The following ERCC2 variants were observed in gnomAD, a reference collection of about 807,000 sequenced individuals.
ERCC2 encodes ERCC excision repair 2, TFIIH core complex helicase subunit.
ERCC2 carries 90 observed loss-of-function variants against 99.4 expected under a neutral mutation model. The ratio of observed to expected loss-of-function variants is 0.91; its 90% CI spans 0.76 to 1.08. ERCC2 has a LOEUF of 1.08. Ranked by LOEUF, ERCC2 falls within the 50% of genes least tolerant of loss-of-function variation. ERCC2 has a pLI of 0.00. For synonymous variants in ERCC2, 497 were observed against 432.4 expected (o/e 1.15, Z -1.85); for missense variants, 993 against 1,038.1 (o/e 0.96, Z 0.60).
intron 7 of ERCC2, 126 bp from the exon 8 acceptor site, chr19:45,364,673 G>C: frequency 1.4e-6 from 2 of 1,441,516 alleles, no homozygotes; most frequent in South Asian, 2.4e-5. Flanking sequence ...GCAGAAGTAT[G>C]AGCAGATGGA....
intron 17 of ERCC2, among the ~76,000 whole-genome samples, chr19:45,353,668 C>CTACAATAG (rs1206273182): frequency 2.6e-5 from 4 of 152,048 alleles, no homozygotes; most frequent in Non-Finnish European, 5.9e-5. Context: ...CCATATGACA[C>CTACAATAG]TACAATAGAG....
At chr19:45,369,317 T>A (rs1379992295) in intron 2 of ERCC2, among the ~76,000 whole-genome samples, 170 bp from the exon 3 acceptor site, 2 of 152,146 alleles carry the variant, frequency 1.3e-5, no homozygotes, top group Non-Finnish European at 2.9e-5. Context: ...TCCTCCTTGT[T>A]GAGTGGTCTT....
chr19:45,354,152 C>T (rs942628964), intron 17 of ERCC2, among the ~76,000 whole-genome samples: 9 of 152,218 alleles, frequency 5.9e-5, no homozygotes, highest in African/African-American at 1.9e-4. Context: ...CCTGAGAGCC[C>T]GGCCATGGTG....
intron 11 of ERCC2, chr19:45,361,921 G>A (rs1972237073): frequency 2.3e-6 from 1 of 434,506 alleles, no homozygotes; most frequent in South Asian, 2.3e-5. Flanking sequence ...CTCCTAAGTG[G>A]GTTCTTTTTT....
At chr19:45,355,412 A>G (rs1158321750) in intron 16 of ERCC2, among the ~76,000 whole-genome samples, 1 of 152,240 alleles carries the variant, frequency 6.6e-6, no homozygotes, top group East Asian at 1.9e-4. Context: ...AGTGCACAAT[A>G]CACTGTGACC....
chr19:45,368,131 C>T (rs1404817901), intron 5 of ERCC2, among the ~76,000 whole-genome samples: 2 of 152,106 alleles, frequency 1.3e-5, no homozygotes, highest in Non-Finnish European at 2.9e-5. Context: ...ACCTCAGACT[C>T]CCAAAGTGCT....
At chr19:45,357,756 C>T (rs925023054) in intron 12 of ERCC2, 57 bp from the exon 13 acceptor site, 1 of 1,486,784 alleles carries the variant, frequency 6.7e-7, no homozygotes, top group Non-Finnish European at 9.3e-7. Flanking sequence ...CAGCTGCACC[C>T]ACTCAGTCAT....
intron 19 of ERCC2, 58 bp downstream of exon 19, chr19:45,353,020 GCGGGC>G: frequency 6.5e-7 from 1 of 1,534,034 alleles, no homozygotes; most frequent in South Asian, 1.1e-5. Context: ...AGACAGCAGA[GCGGGC>G]AGGTGTTCCA....
rs367947759 is a variant in ERCC2 at position 45,350,378 on chromosome 19, C to T, written c.*1251G>A. 2.9e-5 allele frequency: 46 copies of T among 1,613,634 alleles called. No homozygotes were observed. The highest frequency in any genetic ancestry group is 1.1e-4 in the South Asian group (10 of 91,052). ...CTGAAACAGAACAAGTATCAACAAGCGGAAGAGCTGTACAAAGAAATCCTC... is the reference window on the plus strand; with the variant it reads ...CTGAAACAGAACAAGTATCAACAAGTGGAAGAGCTGTACAAAGAAATCCTC... On this transcript the variant is annotated 3_prime_UTR_variant, in exon 23 of 23. Coordinates refer to ENST00000391945, the MANE Select transcript of ERCC2 (RefSeq NM_000400.4).
In ERCC2 at chr19:45,351,253, TC is replaced by T; in HGVS notation, c.*375del. ...GTGGATGTAACACTTGCCCCTCACC[TC>T]CCCTCCAACCATCCCCTGTGCCTGT... On this transcript the variant is annotated 3_prime_UTR_variant, in exon 23 of 23. Coordinates refer to ENST00000391945, the MANE Select transcript of ERCC2 (RefSeq NM_000400.4). 6.2e-7 allele frequency: 1 copy of T among 1,600,270 alleles called. No individual in the cohort carries two copies. Among genetic ancestry groups the T allele is most frequent in the Non-Finnish European group, 8.5e-7 (1 of 1,172,560 alleles).
intron 5 of ERCC2, among the ~76,000 whole-genome samples, 194 bp downstream of exon 5, chr19:45,368,436 T>C (rs560169431): frequency 2.0e-4 from 30 of 152,128 alleles, no homozygotes; most frequent in South Asian, 4.1e-4. Context: ...TGGGTAGAAT[T>C]TGAAGACTCC....
Position 45,350,391 on chromosome 19 carries a change from C to A in ERCC2, c.*1238G>T. The A allele has an allele frequency of 6.2e-7, 1 of 1,613,834 alleles. No individual in the cohort carries two copies. The highest frequency in any genetic ancestry group is 8.5e-7 in the Non-Finnish European group (1 of 1,179,948). On this transcript the variant is annotated 3_prime_UTR_variant, in exon 23 of 23. Transcript: ENST00000391945. Reference sequence around the variant, plus strand: ...AGTATCAACAAGCGGAAGAGCTGTACAAAGAAATCCTCCACAAGGAGGACC... The same window carrying A: ...AGTATCAACAAGCGGAAGAGCTGTAAAAAGAAATCCTCCACAAGGAGGACC...
intron 15 of ERCC2, 86 bp from the exon 16 acceptor site, chr19:45,355,814 CTTTT>C (rs35665496): frequency 0.034 from 22,784 of 676,884 alleles, 112 homozygotes; most frequent in Non-Finnish European, 0.039. Flanking sequence ...CTGTTCTAAG[CTTTT>C]TTTTTTTTTT....
intron 5 of ERCC2, among the ~76,000 whole-genome samples, chr19:45,367,148 C>G (rs1417020990): frequency 6.6e-6 from 1 of 152,082 alleles, no homozygotes; most frequent in Non-Finnish European, 1.5e-5. Flanking sequence ...ACCAGCCTAA[C>G]CAACATGGTG....
chr19:45,354,589 C>G, intron 17 of ERCC2, 141 bp downstream of exon 17: 1 of 1,065,074 alleles, frequency 9.4e-7, no homozygotes, highest in South Asian at 1.3e-5. Context: ...CTGCTTACAC[C>G]CCATTCCTAC....
Position 45,352,784 on chromosome 19 carries a change from C to G in ERCC2, c.1864G>C (p.Gly622Arg). 6.2e-7 allele frequency: 1 copy of G among 1,613,318 alleles called. No homozygotes were observed. Among genetic ancestry groups the G allele is most frequent in the Non-Finnish European group, 8.5e-7 (1 of 1,179,734 alleles). The change falls in exon 20 of 23, where the codon GGC (glycine) becomes CGC (arginine). Residue 622 changes from glycine (G) to arginine (R), a missense_variant. Gly to Arg is a moderately radical substitution (Grantham distance 125). Coordinates refer to ENST00000391945, the MANE Select transcript of ERCC2 (RefSeq NM_000400.4). ...HHYGRAVIMFGVPYVYTQSRI... is the reference protein window; with the variant it reads ...HHYGRAVIMFRVPYVYTQSRI... ...CTCTGTGTGTAGACGTAGGGGACGC[C>G]AAACATGATGACGGCCCGCCCGTAG... is the stretch of plus-strand genomic sequence containing the variant.
intron 15 of ERCC2, among the ~76,000 whole-genome samples, chr19:45,356,258 A>C (rs1972008690): frequency 6.6e-6 from 1 of 152,150 alleles, no homozygotes; most frequent in Admixed American, 6.5e-5. Context: ...TTACCGGTCC[A>C]CAACCTCTGA....
In ERCC2 at chr19:45,351,140, C is replaced by T. The variant is rs1971746288; in HGVS notation, c.*489G>A. 6.3e-7 allele frequency: 1 copy of T among 1,598,776 alleles called. No individual in the cohort carries two copies. The highest frequency in any genetic ancestry group is 8.5e-7 in the Non-Finnish European group (1 of 1,171,948). ...GGTGGTGGGTTGGTGTCAGAAGAGA[C>T]CCAGGACAGGAGCAAAGATGGGTTT... On this transcript the variant is annotated 3_prime_UTR_variant, in exon 23 of 23. Coordinates refer to ENST00000391945, the MANE Select transcript of ERCC2 (RefSeq NM_000400.4).
rs141944141 is a variant in ERCC2, at chr19:45,353,296, A to G, written c.1704T>C (p.Phe568=). ...TTTCGGCACCATCCTGGGTCTCAAT[A>G]AAGAGCAGCTTGTTCCTCTGGATGT... ...LENIQRNKLL[F]IETQDGAETS... is the part of the protein sequence containing the mutation. The change falls in exon 18 of 23, where the codon TTT becomes TTC. Residue 568 remains phenylalanine (F), a synonymous_variant. Transcript: ENST00000391945. 15 of 1,613,638 alleles carry G rather than the reference A, an allele frequency of 9.3e-6. 1 individual carries two copies. The South Asian group carries it at 1.3e-4, about 14-fold the overall frequency.
Sources: allele counts gnomAD v4.1 joint callset (sites outside exome capture counted in the v4.1 genomes callset), GRCh38; gene constraint gnomAD v4.1.1; transcripts MANE v1.5; gene names NCBI Gene and HGNC (gene_info 2026-07-23, HGNC 2026-07-21).